The following CFAP20DC variants were observed in gnomAD, a reference collection of about 807,000 sequenced individuals.
CFAP20DC encodes the protein CFAP20 domain containing, also known as protein CFAP20DC.
In CFAP20DC, 84 loss-of-function variants were observed where a neutral mutation model predicts 101.7. The ratio of observed to expected loss-of-function variants is 0.83; its 90% CI spans 0.69 to 0.99. The LOEUF is 0.99. Ranked by LOEUF, CFAP20DC falls within the 50% of genes least tolerant of loss-of-function variation. The pLI, the probability that CFAP20DC is intolerant of heterozygous loss-of-function variation, is 0.00. For missense variants in CFAP20DC, 1,007 were observed against 970.3 expected (o/e 1.04, Z -0.50); for synonymous variants, 359 against 351.2 (o/e 1.02, Z -0.25).
At chr3:58,950,814 G>T (rs2108032286) in intron 4 of CFAP20DC, among the ~76,000 whole-genome samples, 1 of 152,246 alleles carries the variant, frequency 6.6e-6, no homozygotes, top group Non-Finnish European at 1.5e-5. Flanking sequence ...AACCCTAGAA[G>T]AAAACCTAGG....
intron 4 of CFAP20DC, among the ~76,000 whole-genome samples, chr3:58,966,437 T>C (rs946568945): frequency 2.6e-5 from 4 of 151,524 alleles, no homozygotes; most frequent in South Asian, 2.1e-4. Context: ...AACATATACA[T>C]TGAAAACTAC....
At chr3:58,797,379 C>A (rs1197417327) in intron 15 of CFAP20DC, among the ~76,000 whole-genome samples, 3 of 152,130 alleles carry the variant, frequency 2.0e-5, no homozygotes, top group African/African-American at 2.4e-5. Flanking sequence ...ATCAAACCAG[C>A]CACAACATTC....
chr3:58,927,832 T>C (rs1007373694), intron 5 of CFAP20DC, among the ~76,000 whole-genome samples: 4 of 152,030 alleles, frequency 2.6e-5, no homozygotes, highest in African/African-American at 7.2e-5. Flanking sequence ...TCTGGAGAAA[T>C]TTCCCCTAAA....
intron 14 of CFAP20DC, among the ~76,000 whole-genome samples, chr3:58,816,788 A>G (rs1473668201): frequency 6.6e-6 from 1 of 152,148 alleles, no homozygotes; most frequent in Non-Finnish European, 1.5e-5. Context: ...GGAGCCCACC[A>G]CAGCTCAAGG....
At chr3:58,956,212 G>A (rs1038716498) in intron 4 of CFAP20DC, among the ~76,000 whole-genome samples, 3 of 151,838 alleles carry the variant, frequency 2.0e-5, no homozygotes, top group African/African-American at 7.3e-5. Context: ...AGGGGGAAGA[G>A]CACCAAGCAT....
intron 3 of CFAP20DC, among the ~76,000 whole-genome samples, chr3:58,725,264 T>C (rs2067532898): frequency 6.6e-6 from 1 of 152,216 alleles, no homozygotes; most frequent in African/African-American, 2.4e-5. Context: ...CTGTCATCAG[T>C]GGAGAGCTCT....
chr3:58,896,905 T>C (rs780445880), intron 6 of CFAP20DC, among the ~76,000 whole-genome samples: 1 of 152,230 alleles, frequency 6.6e-6, no homozygotes, highest in Non-Finnish European at 1.5e-5. Flanking sequence ...CAGGTCCACT[T>C]GATCCAGAGC....
chr3:58,992,953 G>A (rs547329310), intron 4 of CFAP20DC, among the ~76,000 whole-genome samples: 226 of 149,390 alleles, frequency 1.5e-3, no homozygotes, highest in African/African-American at 5.6e-3. Context: ...AAACACCCCT[G>A]TCCCTCAAAA....
rs185386304 is a variant in CFAP20DC at position 58,985,428 on chromosome 3, A to G, written c.279-47666T>C. Reference sequence around the variant, plus strand: ...CATATCTAGTTTTTTTTTCTCAGCAACTTAACACATCTTTAGAAAAATAAC... The same window carrying G: ...CATATCTAGTTTTTTTTTCTCAGCAGCTTAACACATCTTTAGAAAAATAAC... On this transcript the variant is annotated intron_variant, in intron 4 of 16. Coordinates refer to ENST00000482387, the MANE Select transcript of CFAP20DC (RefSeq NM_001394063.1). 5.1e-4 allele frequency among the ~76,000 whole-genome samples: 78 copies of G among 152,202 alleles called. 1 individual carries two copies. Among genetic ancestry groups the G allele is most frequent in the African/African-American group, 1.8e-3 (76 of 41,528 alleles).
chr3:59,022,715 T>C (rs964511347), intron 4 of CFAP20DC, among the ~76,000 whole-genome samples: 11 of 152,090 alleles, frequency 7.2e-5, no homozygotes, highest in African/African-American at 2.2e-4. Flanking sequence ...TTATAATATA[T>C]TTTAAATAAG....
intron 14 of CFAP20DC, among the ~76,000 whole-genome samples, chr3:58,815,195 A>G (rs531422852): frequency 6.6e-6 from 1 of 151,746 alleles, no homozygotes; most frequent in Admixed American, 6.6e-5. Flanking sequence ...GCCCTCAGAA[A>G]TAACGCTGCA....
chr3:58,808,382 A>T (rs1165895507), intron 14 of CFAP20DC, among the ~76,000 whole-genome samples: 4 of 152,270 alleles, frequency 2.6e-5, no homozygotes, highest in African/African-American at 9.6e-5. Flanking sequence ...GAAATTCTAC[A>T]AGCCAGAAAA....
chr3:58,891,232 G>C (rs909002492), intron 6 of CFAP20DC, among the ~76,000 whole-genome samples: 1 of 151,910 alleles, frequency 6.6e-6, no homozygotes, highest in African/African-American at 2.4e-5. Flanking sequence ...AGACCGGCCC[G>C]GCCAACACAG....
intron 16 of CFAP20DC, among the ~76,000 whole-genome samples, chr3:58,748,155 G>A (rs1233782767): frequency 6.6e-6 from 1 of 152,080 alleles, no homozygotes; most frequent in African/African-American, 2.4e-5. Context: ...ATTCAGATGT[G>A]CAGTTGTAAC....
intron 3 of CFAP20DC, chr3:58,726,197 T>A (rs1020100863): frequency 1.3e-5 from 2 of 152,266 alleles, no homozygotes; most frequent in Non-Finnish European, 2.9e-5. Context: ...AGGTAAGGCA[T>A]ACGACATATT....
chr3:58,962,539 C>G (rs909139290), intron 4 of CFAP20DC, among the ~76,000 whole-genome samples: 1 of 152,156 alleles, frequency 6.6e-6, no homozygotes, highest in Non-Finnish European at 1.5e-5. Context: ...TATTACTTTA[C>G]TTTTAAGCCT....
At chr3:58,806,568 G>A in intron 14 of CFAP20DC, 112 bp from the exon 15 acceptor site, 3 of 797,762 alleles carry the variant, frequency 3.8e-6, no homozygotes, top group Non-Finnish European at 4.4e-6. Flanking sequence ...CCCACAAGAA[G>A]GGTATGGGTG....
intron 13 of CFAP20DC, among the ~76,000 whole-genome samples, chr3:58,839,760 C>T (rs973372107): frequency 1.4e-4 from 22 of 152,154 alleles, no homozygotes; most frequent in African/African-American, 5.3e-4. Context: ...CCTAGAATTT[C>T]CGAAACTTTT....
chr3:59,011,800 T>C (rs1354732500), intron 4 of CFAP20DC, among the ~76,000 whole-genome samples: 1 of 152,124 alleles, frequency 6.6e-6, no homozygotes, highest in Non-Finnish European at 1.5e-5. Context: ...CAGATGCAGA[T>C]ATGACCCAAA....
Sources: allele counts gnomAD v4.1 joint callset (sites outside exome capture counted in the v4.1 genomes callset), GRCh38; gene constraint gnomAD v4.1.1; transcripts MANE v1.5; gene names NCBI Gene and HGNC (gene_info 2026-07-23, HGNC 2026-07-21).